Variants in ARHGAP15 observed in about 807,000 individuals in gnomAD.
The protein encoded by ARHGAP15 is Rho GTPase activating protein 15, also known as rho GTPase-activating protein 15.
In ARHGAP15, 51 loss-of-function variants were observed where a neutral mutation model predicts 63.7. The observed-to-expected ratio is 0.80, with a 90% CI of 0.64 to 1.01. The LOEUF is 1.01. Ranked by LOEUF, ARHGAP15 falls within the 50% of genes least tolerant of loss-of-function variation. The pLI, the probability that ARHGAP15 is intolerant of heterozygous loss-of-function variation, is 0.00. For missense variants in ARHGAP15, 560 were observed against 564.6 expected, an observed-to-expected ratio of 0.99 and a Z score of 0.08; for synonymous variants, 191 against 193.8, an observed-to-expected ratio of 0.99 and a Z score of 0.12.
At chr2:143,443,677 C>T (rs750111451) in intron 8 of ARHGAP15, among the ~76,000 whole-genome samples, 4 of 152,010 alleles carry the variant, frequency 2.6e-5, no homozygotes, top group Non-Finnish European at 5.9e-5. Flanking sequence ...TTATAAATGA[C>T]ATTTATGTTG....
intron 8 of ARHGAP15, among the ~76,000 whole-genome samples, chr2:143,467,356 T>C (rs1691279848): frequency 6.8e-6 from 1 of 146,214 alleles, no homozygotes; most frequent in Non-Finnish European, 1.5e-5. Context: ...AGTAGTTACA[T>C]ATGTGGCAAA....
intron 2 of ARHGAP15, among the ~76,000 whole-genome samples, chr2:143,199,463 C>T (rs961120160): frequency 6.6e-6 from 1 of 152,048 alleles, no homozygotes; most frequent in Non-Finnish European, 1.5e-5. Flanking sequence ...ACAAAGTGAG[C>T]TTTACTGGCC....
chr2:143,768,096 A>T lies in ARHGAP15; in HGVS notation c.1352A>T (p.His451Leu). 1 of 1,613,872 alleles carries T rather than the reference A, an allele frequency of 6.2e-7. No individual in the cohort carries two copies. Among genetic ancestry groups the T allele is most frequent in the South Asian group, 1.1e-5 (1 of 91,082 alleles). Residue 451 changes from histidine (H) to leucine (L), a missense_variant, in exon 14 of 14, where the codon CAC (histidine) becomes CTC (leucine). By Grantham distance (99) the His-to-Leu change is moderately conservative. Coordinates refer to ENST00000295095, the MANE Select transcript of ARHGAP15 (RefSeq NM_018460.4). ...AATGAAACAGGAAACATGGCGATCC[A>T]CATGGTCTACCAGAACCAGATAGCT... ...AENETGNMAIHMVYQNQIAEL... is the reference protein window; with the variant it reads ...AENETGNMAILMVYQNQIAEL...
At chr2:143,501,354 A>T (rs1036407795) in intron 9 of ARHGAP15, among the ~76,000 whole-genome samples, 15 of 152,230 alleles carry the variant, frequency 9.9e-5, no homozygotes, top group African/African-American at 2.9e-4. Flanking sequence ...TTTGCATCTT[A>T]AAAAAGTAAT....
intron 12 of ARHGAP15, among the ~76,000 whole-genome samples, chr2:143,630,620 C>T (rs1054517171): frequency 1.3e-5 from 2 of 152,188 alleles, no homozygotes; most frequent in African/African-American, 2.4e-5. Flanking sequence ...TTTCATTCTA[C>T]TCCACTTCTT....
At chr2:143,575,929 CAG>C (rs1696663252) in intron 11 of ARHGAP15, among the ~76,000 whole-genome samples, 1 of 151,974 alleles carries the variant, frequency 6.6e-6, no homozygotes, top group Non-Finnish European at 1.5e-5. Flanking sequence ...AGGAAAAAGG[CAG>C]AGAGTGGAAT....
intron 13 of ARHGAP15, among the ~76,000 whole-genome samples, chr2:143,738,877 C>T (rs778070635): frequency 6.6e-6 from 1 of 152,118 alleles, no homozygotes; most frequent in Admixed American, 6.5e-5. Flanking sequence ...TTCAAGCCTC[C>T]GCCCATGATT....
At chr2:143,326,742 A>AC (rs1278087669) in intron 6 of ARHGAP15, among the ~76,000 whole-genome samples, 2 of 152,174 alleles carry the variant, frequency 1.3e-5, no homozygotes, top group African/African-American at 4.8e-5. Flanking sequence ...GTCTCAATAA[A>AC]CTAGGTATTG....
intron 10 of ARHGAP15, among the ~76,000 whole-genome samples, chr2:143,552,716 T>C (rs1003274034): frequency 7.2e-5 from 11 of 152,172 alleles, no homozygotes; most frequent in African/African-American, 2.7e-4. Flanking sequence ...CTTCAGATAA[T>C]TTTTCATACT....
chr2:143,721,797 C>G (rs755016654), intron 13 of ARHGAP15, among the ~76,000 whole-genome samples: 1 of 152,176 alleles, frequency 6.6e-6, no homozygotes, highest in Non-Finnish European at 1.5e-5. Context: ...AGCAATTCTC[C>G]TGCCTCAGCC....
intron 6 of ARHGAP15, among the ~76,000 whole-genome samples, chr2:143,261,823 C>T (rs1353559855): frequency 6.6e-6 from 1 of 152,066 alleles, no homozygotes; most frequent in African/African-American, 2.4e-5. Flanking sequence ...AAGAGTGAAA[C>T]AGAAGGAAGA....
intron 13 of ARHGAP15, among the ~76,000 whole-genome samples, chr2:143,720,746 A>G (rs1490490362): frequency 1.3e-5 from 2 of 152,114 alleles, no homozygotes; most frequent in Non-Finnish European, 2.9e-5. Flanking sequence ...TGTGCTCACA[A>G]ACCAAATTAC....
At chr2:143,442,006 CAACAG>C (rs1321832618) in intron 8 of ARHGAP15, among the ~76,000 whole-genome samples, 3 of 151,826 alleles carry the variant, frequency 2.0e-5, no homozygotes, top group Non-Finnish European at 4.4e-5. Context: ...TGCAATAAGA[CAACAG>C]AAAGAAAAAA....
intron 12 of ARHGAP15, among the ~76,000 whole-genome samples, chr2:143,663,416 C>T (rs1194283822): frequency 1.7e-4 from 25 of 146,944 alleles, no homozygotes; most frequent in Middle Eastern, 3.3e-3. Context: ...CTGAAGGAAG[C>T]GCTAAACATG....
chr2:143,570,186 G>A (rs906653769), intron 11 of ARHGAP15, among the ~76,000 whole-genome samples: 5 of 152,074 alleles, frequency 3.3e-5, no homozygotes, highest in Non-Finnish European at 7.4e-5. Flanking sequence ...ATATAATGAA[G>A]TATAACATTT....
Position 143,502,322 on chromosome 2 carries a change from T to C in ARHGAP15, c.826+14827T>C, listed in dbSNP as rs971588565. Among the ~76,000 whole-genome samples, 17 of 151,682 alleles carry C rather than the reference T, an allele frequency of 1.1e-4. 1 individual carries two copies. The highest frequency in any genetic ancestry group is 8.5e-4 in the Admixed American group (13 of 15,230). ...TACTCGGGAGGCTGAGGCAGGAGAA[T>C]CACTTGAGCCTGGGAGGCAGAGGTT... On this transcript the variant is annotated intron_variant, in intron 9 of 13. Transcript: ENST00000295095.
intron 5 of ARHGAP15, among the ~76,000 whole-genome samples, chr2:143,235,696 T>C (rs1693615488): frequency 6.6e-6 from 1 of 152,194 alleles, no homozygotes; most frequent in African/African-American, 2.4e-5. Context: ...AGGCTCTTCA[T>C]CTCATTTACT....
At chr2:143,673,758 G>GTGTGTTTATATA in intron 12 of ARHGAP15, among the ~76,000 whole-genome samples, 1 of 22,128 alleles carries the variant, frequency 4.5e-5, no homozygotes, top group African/African-American at 8.1e-5. Flanking sequence ...GTGTGTGTGT[G>GTGTGTTTATATA]TATATATATA....
chr2:143,243,465 A>G (rs960175036), intron 5 of ARHGAP15, among the ~76,000 whole-genome samples: 2 of 152,124 alleles, frequency 1.3e-5, no homozygotes, highest in African/African-American at 4.8e-5. Flanking sequence ...TTTCTATTTT[A>G]AGTTTACCCC....
Sources: gnomAD v4.1 joint callset for allele counts (sites outside exome capture counted in the v4.1 genomes callset) on GRCh38, gnomAD v4.1.1 for gene constraint, MANE v1.5 for transcripts, NCBI Gene and HGNC (gene_info 2026-07-23, HGNC 2026-07-21) for gene names.